SLC39A11: variants seen among roughly 807,000 people sequenced by gnomAD.
The protein encoded by SLC39A11 is zinc transporter ZIP11.
In SLC39A11, 33 loss-of-function variants were observed where a neutral mutation model predicts 36.1. The ratio of observed to expected loss-of-function variants is 0.91; its 90% CI spans 0.69 to 1.22. The LOEUF (loss-of-function observed/expected upper bound fraction) is 1.22. Ranked by LOEUF, SLC39A11 falls within the 50% of genes most tolerant of loss-of-function variation. The probability of loss-of-function intolerance (pLI) is 0.00; values close to 1 mark genes in which losing one functional copy is unlikely to be tolerated. For synonymous variants in SLC39A11, 166 were observed against 170.3 expected (o/e 0.97, Z 0.20); for missense variants, 432 against 430.3 (o/e 1.00, Z -0.03).
At chr17:72,949,144 C>CTTTTTTTTTTTTTTTTTTTTTTTTTTTTT (rs56036208) in intron 4 of SLC39A11, among the ~76,000 whole-genome samples, 5 of 36,508 alleles carry the variant, frequency 1.4e-4, no homozygotes, top group Non-Finnish European at 2.1e-4. Context: ...CACTGGGCAG[C>CTTTTTTTTTTTTTTTTTTTTTTTTTTTTT]TTTTTTTTTT....
intron 5 of SLC39A11, among the ~76,000 whole-genome samples, chr17:72,869,356 G>A (rs1278963630): frequency 6.6e-6 from 1 of 152,168 alleles, no homozygotes; most frequent in Non-Finnish European, 1.5e-5. Context: ...CTGGTACTAC[G>A]AATAAGTGGG....
intron 5 of SLC39A11, among the ~76,000 whole-genome samples, chr17:72,864,707 A>T (rs2146278061): frequency 6.6e-6 from 1 of 152,298 alleles, no homozygotes; most frequent in South Asian, 2.1e-4. Flanking sequence ...CCCACTAAAA[A>T]ATTCCCTCCC....
chr17:72,818,537 A>T (rs1006412376), intron 6 of SLC39A11, among the ~76,000 whole-genome samples: 2 of 152,234 alleles, frequency 1.3e-5, no homozygotes, highest in Non-Finnish European at 2.9e-5. Context: ...TGAATGAAAG[A>T]TTAAGCCTAT....
At chr17:72,867,883 G>A (rs767994816) in intron 5 of SLC39A11, among the ~76,000 whole-genome samples, 1 of 152,116 alleles carries the variant, frequency 6.6e-6, no homozygotes, top group African/African-American at 2.4e-5. Context: ...GATGACCCTA[G>A]TGCCTTGGGA....
intron 5 of SLC39A11, among the ~76,000 whole-genome samples, chr17:72,871,833 TTTACCCTCCAG>T (rs765933132): frequency 3.3e-5 from 5 of 152,206 alleles, no homozygotes; most frequent in African/African-American, 4.8e-5. Context: ...GGACCTCTGA[TTTACCCTCCAG>T]TTGGATGGGT....
At chr17:72,737,226 A>G (rs981203384) in intron 6 of SLC39A11, among the ~76,000 whole-genome samples, 2 of 152,182 alleles carry the variant, frequency 1.3e-5, no homozygotes, top group African/African-American at 4.8e-5. Flanking sequence ...CAGGGAGCCA[A>G]GAGTGTGCCA....
At chr17:72,701,745 AAGAAAAAGAG>A (rs2072638546) in intron 7 of SLC39A11, among the ~76,000 whole-genome samples, 2 of 143,112 alleles carry the variant, frequency 1.4e-5, no homozygotes, top group African/African-American at 4.9e-5. Flanking sequence ...AAAAAAAAAA[AAGAAAAAGAG>A]AAAGAAAGAA....
intron 7 of SLC39A11, among the ~76,000 whole-genome samples, chr17:72,680,270 C>T (rs1179680996): frequency 6.6e-6 from 1 of 152,110 alleles, no homozygotes; most frequent in Admixed American, 6.5e-5. Context: ...CAGCTCCTGG[C>T]AACTATGACT....
At chr17:72,864,667 G>A (rs2080213806) in intron 5 of SLC39A11, among the ~76,000 whole-genome samples, 3 of 152,164 alleles carry the variant, frequency 2.0e-5, no homozygotes, top group Admixed American at 2.0e-4. Flanking sequence ...AATATTCACT[G>A]ATGAACTCAC....
At chr17:72,907,963 G>A (rs2082749511) in intron 5 of SLC39A11, among the ~76,000 whole-genome samples, 1 of 152,240 alleles carries the variant, frequency 6.6e-6, no homozygotes, top group Non-Finnish European at 1.5e-5. Context: ...CAGGGGCAGG[G>A]CACAGAGGAG....
At chr17:73,049,729 C>A (rs77769399) in intron 3 of SLC39A11, among the ~76,000 whole-genome samples, 2,994 of 152,252 alleles carry the variant, frequency 0.02, 84 homozygotes, top group African/African-American at 0.063. Context: ...AGGCAAATTC[C>A]CCGCCTGAGA....
chr17:72,938,759 T>C (rs1009129582), intron 5 of SLC39A11, among the ~76,000 whole-genome samples: 1 of 152,176 alleles, frequency 6.6e-6, no homozygotes, highest in African/African-American at 2.4e-5. Flanking sequence ...CTAAAGCACA[T>C]TAAAAACACA....
chr17:72,855,969 T>G (rs981570714), intron 5 of SLC39A11, among the ~76,000 whole-genome samples: 2 of 152,130 alleles, frequency 1.3e-5, no homozygotes, highest in African/African-American at 2.4e-5. Flanking sequence ...AAAGAATCAG[T>G]CTAGTTTCAG....
At chr17:72,772,270 C>A (rs992104177) in intron 6 of SLC39A11, among the ~76,000 whole-genome samples, 1 of 152,204 alleles carries the variant, frequency 6.6e-6, no homozygotes, top group Non-Finnish European at 1.5e-5. Context: ...GCACTCTGTG[C>A]CACTGCTGGC....
chr17:72,926,775 A>T (rs1295483429), intron 5 of SLC39A11, among the ~76,000 whole-genome samples: 1 of 152,092 alleles, frequency 6.6e-6, no homozygotes, highest in Admixed American at 6.5e-5. Flanking sequence ...GACCCCAAAA[A>T]GGGATTCCCG....
In SLC39A11 at chr17:73,024,070, C is replaced by T. The variant is rs539635903; in HGVS notation, c.306+7486G>A. On this transcript the variant is annotated intron_variant, in intron 4 of 9. Coordinates refer to ENST00000255559, the MANE Select transcript of SLC39A11 (RefSeq NM_139177.4). The stretch of plus-strand genomic sequence containing the variant: ...GTATGTAGTATTTTGCTATGGCAGC[C>T]CCAGCGAAATAATACAGATGTGTAG... Among the ~76,000 whole-genome samples, 3 of 152,296 alleles carry T rather than the reference C, an allele frequency of 2.0e-5. No homozygotes were observed. The South Asian group carries it at 6.2e-4, about 32-fold the overall frequency.
chr17:72,770,219 A>G (rs1392336891), intron 6 of SLC39A11, among the ~76,000 whole-genome samples: 1 of 152,354 alleles, frequency 6.6e-6, no homozygotes, highest in Non-Finnish European at 1.5e-5. Flanking sequence ...GCCAGACACA[A>G]AAGAACAAAT....
chr17:73,033,695 C>T (rs371957623), intron 3 of SLC39A11, among the ~76,000 whole-genome samples: 1 of 152,200 alleles, frequency 6.6e-6, no homozygotes, highest in Non-Finnish European at 1.5e-5. Context: ...CGTAACTATA[C>T]GGCAGTCATC....
chr17:72,985,327 G>A (rs1461435175), intron 4 of SLC39A11, among the ~76,000 whole-genome samples: 2 of 150,850 alleles, frequency 1.3e-5, no homozygotes, highest in African/African-American at 4.9e-5. Flanking sequence ...GGACTAGCCA[G>A]CTATATCTGA....
Sources: allele counts gnomAD v4.1 joint callset (sites outside exome capture counted in the v4.1 genomes callset), GRCh38; gene constraint gnomAD v4.1.1; transcripts MANE v1.5; gene names NCBI Gene and HGNC (gene_info 2026-07-23, HGNC 2026-07-21).